Variants in MBOAT2 observed in about 807,000 individuals in gnomAD.
MBOAT2 encodes membrane-bound glycerophospholipid O-acyltransferase 2.
A neutral mutation model predicts 63.4 loss-of-function variants in MBOAT2; 28 were observed. That is an observed-to-expected ratio of 0.44 (90% confidence interval 0.33 to 0.61). The LOEUF is 0.61. MBOAT2 is among the 20% of genes least tolerant of loss of function. The pLI is 0.03. For missense variants in MBOAT2, 470 were observed against 605.8 expected (o/e 0.78, Z 2.35); for synonymous variants, 211 against 215.6 (o/e 0.98, Z 0.19).
chr2:8,909,848 T>G (rs1365798514), intron 3 of MBOAT2, among the ~76,000 whole-genome samples: 1 of 152,214 alleles, frequency 6.6e-6, no homozygotes, highest in African/African-American at 2.4e-5. Context: ...AAAAATCATG[T>G]GGCAGACTGC....
chr2:8,911,325 G>A (rs1340068999), intron 3 of MBOAT2, among the ~76,000 whole-genome samples: 1 of 152,126 alleles, frequency 6.6e-6, no homozygotes, highest in Non-Finnish European at 1.5e-5. Flanking sequence ...GGGATCTTGG[G>A]AGGAAAGTGG....
chr2:8,940,554 A>G lies in MBOAT2; in HGVS notation c.299+2633T>C, dbSNP rs555288196. Among the ~76,000 whole-genome samples the G allele has an allele frequency of 8.5e-5, 13 of 152,306 alleles. No individual in the cohort carries two copies. The South Asian group carries it at 2.3e-3, about 27-fold the overall frequency. On this transcript the variant is annotated intron_variant, in intron 3 of 12. Coordinates refer to ENST00000305997, the MANE Select transcript of MBOAT2 (RefSeq NM_138799.4). ...GTGATCCACCTGCCTTGGCCTCCCT[A>G]AGAGCTGGGATTACAGGCGTGAGCC... is the stretch of plus-strand genomic sequence containing the variant.
intron 5 of MBOAT2, among the ~76,000 whole-genome samples, chr2:8,883,626 GAAGATAAACA>G (rs1663312633): frequency 2.0e-5 from 3 of 152,158 alleles, no homozygotes; most frequent in African/African-American, 7.2e-5. Flanking sequence ...TAGGGAGACA[GAAGATAAACA>G]AATAAATGAG....
intron 1 of MBOAT2, among the ~76,000 whole-genome samples, chr2:8,997,092 A>G (rs1403544605): frequency 1.3e-5 from 2 of 152,208 alleles, no homozygotes; most frequent in East Asian, 3.9e-4. Context: ...GTTGCCACAC[A>G]CTACATACTG....
rs1661213140 is a variant in MBOAT2 at position 8,857,912 on chromosome 2, A to G, written c.*767T>C. On this transcript the variant is annotated 3_prime_UTR_variant, in exon 13 of 13. Transcript: ENST00000305997. ...TTCTTCATTCCTGCCTTCCTTCGTC[A>G]CCTCTCTCTTTTAAGAAAAAGAATA... 2 of 152,306 alleles carry G rather than the reference A, an allele frequency of 1.3e-5. No homozygotes were observed. The highest frequency in any genetic ancestry group is 4.1e-4 in the South Asian group (2 of 4,826). 9.4% of individuals were successfully genotyped at this position (152,306 alleles called of 1,614,324 possible).
At chr2:8,995,659 T>C (rs890054711) in intron 1 of MBOAT2, among the ~76,000 whole-genome samples, 4 of 151,606 alleles carry the variant, frequency 2.6e-5, no homozygotes, top group East Asian at 1.9e-4. Flanking sequence ...GGCACGATCT[T>C]GGCTCACTGC....
At chr2:8,986,689 T>C (rs1671595712) in intron 1 of MBOAT2, among the ~76,000 whole-genome samples, 1 of 152,176 alleles carries the variant, frequency 6.6e-6, no homozygotes, top group Non-Finnish European at 1.5e-5. Flanking sequence ...GTGATGGCAT[T>C]TGGAGATGGG....
intron 1 of MBOAT2, among the ~76,000 whole-genome samples, chr2:8,981,548 G>A (rs1671191111): frequency 6.6e-6 from 1 of 152,096 alleles, no homozygotes; most frequent in Admixed American, 6.6e-5. Flanking sequence ...CAGAGAAGAC[G>A]ATGCTCTCCC....
intron 3 of MBOAT2, among the ~76,000 whole-genome samples, chr2:8,937,673 G>A (rs1044063907): frequency 6.6e-6 from 1 of 152,190 alleles, no homozygotes; most frequent in Non-Finnish European, 1.5e-5. Flanking sequence ...AGGGAACCAC[G>A]CCTGCAGAAA....
intron 6 of MBOAT2, among the ~76,000 whole-genome samples, chr2:8,881,353 C>T (rs1663120317): frequency 6.6e-6 from 1 of 152,080 alleles, no homozygotes; most frequent in Admixed American, 6.6e-5. Context: ...AGGAAGGAGA[C>T]TATATCATCT....
intron 4 of MBOAT2, among the ~76,000 whole-genome samples, chr2:8,905,152 T>G (rs1665236859): frequency 6.6e-6 from 1 of 152,006 alleles, no homozygotes; most frequent in Non-Finnish European, 1.5e-5. Context: ...GCACCAAGAG[T>G]GAGTCACTAT....
rs759218918 is a variant in MBOAT2, at chr2:8,945,753, A to G, written c.222-2489T>C. On this transcript the variant is annotated intron_variant, in intron 2 of 12. Coordinates refer to ENST00000305997, the MANE Select transcript of MBOAT2 (RefSeq NM_138799.4). ...AAACAATGCTTTGTCACAAAACGTT[A>G]GTTTGTTTTCAGATATCACATTTTA... 4.6e-5 allele frequency among the ~76,000 whole-genome samples: 7 copies of G among 152,294 alleles called. No individual in the cohort carries two copies. The Middle Eastern group carries it at 0.014, about 296-fold the overall frequency.
intron 1 of MBOAT2, among the ~76,000 whole-genome samples, chr2:9,000,904 A>G (rs996468984): frequency 5.9e-5 from 9 of 152,182 alleles, no homozygotes; most frequent in Admixed American, 3.9e-4. Context: ...CGTAAAACAT[A>G]CTGTACAGTT....
At chr2:8,870,799 G>A (rs1255533549) in intron 8 of MBOAT2, among the ~76,000 whole-genome samples, 2 of 152,082 alleles carry the variant, frequency 1.3e-5, no homozygotes, top group African/African-American at 2.4e-5. Flanking sequence ...ATTTCAAATT[G>A]TCATTCATAT....
intron 1 of MBOAT2, among the ~76,000 whole-genome samples, chr2:8,971,097 C>T (rs1177911747): frequency 6.6e-6 from 1 of 152,172 alleles, no homozygotes; most frequent in Admixed American, 6.5e-5. Flanking sequence ...CCCTGATGAA[C>T]GTCGATGCAA....
chr2:8,925,361 T>C (rs1666862294), intron 3 of MBOAT2, among the ~76,000 whole-genome samples: 1 of 152,164 alleles, frequency 6.6e-6, no homozygotes, highest in Non-Finnish European at 1.5e-5. Context: ...AAAAAAGTAA[T>C]TCAAATAATT....
chr2:8,978,216 G>A (rs577899367), intron 1 of MBOAT2, among the ~76,000 whole-genome samples: 45 of 151,968 alleles, frequency 3.0e-4, no homozygotes, highest in African/African-American at 9.9e-4. Flanking sequence ...TATATTGACC[G>A]TCTCCAACAC....
chr2:8,872,835 G>A (rs996152717), intron 8 of MBOAT2, among the ~76,000 whole-genome samples: 4 of 152,118 alleles, frequency 2.6e-5, no homozygotes, highest in African/African-American at 7.2e-5. Flanking sequence ...TATCTATCCT[G>A]GCTAGCACTG....
At chr2:8,896,361 C>T (rs559598065) in intron 4 of MBOAT2, among the ~76,000 whole-genome samples, 2 of 152,128 alleles carry the variant, frequency 1.3e-5, no homozygotes, top group African/African-American at 4.8e-5. Context: ...CAACACTCTT[C>T]CCCTAAGAAG....
Sources: gnomAD v4.1 joint callset for allele counts (sites outside exome capture counted in the v4.1 genomes callset) on GRCh38, gnomAD v4.1.1 for gene constraint, MANE v1.5 for transcripts, NCBI Gene and HGNC (gene_info 2026-07-23, HGNC 2026-07-21) for gene names.